CAMK2B: variants seen among roughly 807,000 people sequenced by gnomAD.
The protein encoded by CAMK2B is calcium/calmodulin-dependent protein kinase type II subunit beta.
A neutral mutation model predicts 93.7 loss-of-function variants in CAMK2B; 27 were observed. That is an observed-to-expected ratio of 0.29 (90% confidence interval 0.21 to 0.40). CAMK2B has a LOEUF of 0.40. Among genes scored for constraint, CAMK2B ranks in the 10% least tolerant of loss-of-function variants. The pLI, the probability that CAMK2B is intolerant of heterozygous loss-of-function variation, is 1.00. For synonymous variants in CAMK2B, 374 were observed against 358.8 expected (o/e 1.04, Z -0.48); for missense variants, 568 against 895.8 (o/e 0.63, Z 4.67).
chr7:44,230,855 C>G (rs1467584468), intron 17 of CAMK2B, 151 bp downstream of exon 17: 1 of 621,720 alleles, frequency 1.6e-6, no homozygotes, highest in Non-Finnish European at 2.8e-6. Context: ...AGGCTTGGAG[C>G]AGGATTACAG....
intron 3 of CAMK2B, among the ~76,000 whole-genome samples, chr7:44,260,639 G>T (rs895294682): frequency 6.6e-6 from 1 of 152,158 alleles, no homozygotes; most frequent in Non-Finnish European, 1.5e-5. Flanking sequence ...GGTGCTCTGA[G>T]ACAGTGAGCA....
chr7:44,285,465 C>T (rs1784794131), intron 1 of CAMK2B, among the ~76,000 whole-genome samples: 1 of 152,168 alleles, frequency 6.6e-6, no homozygotes, highest in Non-Finnish European at 1.5e-5. Context: ...GAACAGCCTC[C>T]CCTCCCAGAA....
chr7:44,266,382 C>T lies in CAMK2B; in HGVS notation c.161-3318G>A, dbSNP rs928276008. ...TTATTCTTGGCTTCCACATTAACAC[C>T]GTAAACCCCTTGTCATGGACAAGGT... is the stretch of plus-strand genomic sequence containing the variant. On this transcript the variant is annotated intron_variant, in intron 2 of 23. Coordinates refer to ENST00000395749, the MANE Select transcript of CAMK2B (RefSeq NM_001220.5). Among the ~76,000 whole-genome samples the T allele has an allele frequency of 1.8e-4, 27 of 152,288 alleles. No individual in the cohort carries two copies. The East Asian group carries it at 2.9e-3, about 16-fold the overall frequency.
Position 44,243,516 on chromosome 7 carries a change from C to T in CAMK2B, c.426G>A (p.Leu142=). The T allele has an allele frequency of 6.2e-7, 1 of 1,613,988 alleles. No homozygotes were observed. Among genetic ancestry groups the T allele is most frequent in the South Asian group, 1.1e-5 (1 of 91,086 alleles). ...CCCCTTTGCACTTGCTGGCCAGAAG[C>T]AGGTTCTCCGGCTGCAGGGAGGTGA... ...VVHRDLKPEN[L]LLASKCKGAA... The change falls in exon 7 of 24, where the codon CTG becomes CTA. Residue 142 remains leucine (L), a synonymous_variant. Transcript: ENST00000395749.
At chr7:44,297,106 T>A (rs1213996258) in intron 1 of CAMK2B, among the ~76,000 whole-genome samples, 1 of 152,210 alleles carries the variant, frequency 6.6e-6, no homozygotes, top group East Asian at 1.9e-4. Context: ...CACTTATGGA[T>A]AAGTGAAAGA....
intron 1 of CAMK2B, among the ~76,000 whole-genome samples, chr7:44,303,881 T>C (rs1790756106): frequency 6.6e-6 from 1 of 152,126 alleles, no homozygotes; most frequent in Non-Finnish European, 1.5e-5. Flanking sequence ...AAATATACAA[T>C]GAACCCTTAA....
chr7:44,239,548 A>C (rs1277738363), intron 13 of CAMK2B, 41 bp downstream of exon 13: 2 of 1,505,858 alleles, frequency 1.3e-6, no homozygotes, highest in Non-Finnish European at 1.8e-6. Flanking sequence ...GGCAGGAGGG[A>C]CGGGCGGGAG....
chr7:44,265,038 C>A (rs926745224), intron 2 of CAMK2B, among the ~76,000 whole-genome samples: 1 of 152,146 alleles, frequency 6.6e-6, no homozygotes, highest in African/African-American at 2.4e-5. Flanking sequence ...GGGTGCAGGA[C>A]GGTGAGTTCA....
chr7:44,288,946 A>G (rs931652851), intron 1 of CAMK2B, among the ~76,000 whole-genome samples: 3 of 152,086 alleles, frequency 2.0e-5, no homozygotes, highest in African/African-American at 7.2e-5. Flanking sequence ...TTTCACAGGC[A>G]TCCTGTGGGC....
chr7:44,289,774 T>C (rs934627737), intron 1 of CAMK2B, among the ~76,000 whole-genome samples: 4 of 152,164 alleles, frequency 2.6e-5, no homozygotes, highest in African/African-American at 9.7e-5. Flanking sequence ...GTGCATGTGA[T>C]CCCCATGACA....
chr7:44,219,348 T>G lies in CAMK2B; in HGVS notation c.*177A>C, dbSNP rs1402732817. ...TGTGGTTGTCGTCGTCATCTTGTTT[T>G]TTTTTTTTTTTTTTTTGTTTTTTTT... On this transcript the variant is annotated 3_prime_UTR_variant, in exon 24 of 24. Coordinates refer to ENST00000395749, the MANE Select transcript of CAMK2B (RefSeq NM_001220.5). 5.5e-5 allele frequency: 7 copies of G among 128,414 alleles called. No homozygotes were observed. Among genetic ancestry groups the G allele is most frequent in the Non-Finnish European group, 1.2e-4 (7 of 58,050 alleles). 8.0% of individuals were successfully genotyped at this position (128,414 alleles called of 1,614,324 possible).
At chr7:44,239,525 G>C in intron 13 of CAMK2B, 64 bp downstream of exon 13, 3 of 1,402,698 alleles carry the variant, frequency 2.1e-6, no homozygotes, top group Non-Finnish European at 2.9e-6. Context: ...CGTGCAGCAG[G>C]GGGCTGCATG....
At chr7:44,317,565 G>A (rs190414266) in intron 1 of CAMK2B, among the ~76,000 whole-genome samples, 4 of 152,266 alleles carry the variant, frequency 2.6e-5, no homozygotes, top group Non-Finnish European at 2.9e-5. Flanking sequence ...TTACAGGCAC[G>A]AGCCACCGCA....
At chr7:44,246,440 C>T (rs572092345) in intron 6 of CAMK2B, among the ~76,000 whole-genome samples, 2 of 152,134 alleles carry the variant, frequency 1.3e-5, no homozygotes, top group Admixed American at 1.3e-4. Context: ...CATGCCCACA[C>T]AGACACACAC....
At chr7:44,305,648 A>G (rs2115650657) in intron 1 of CAMK2B, among the ~76,000 whole-genome samples, 1 of 152,290 alleles carries the variant, frequency 6.6e-6, no homozygotes, top group African/African-American at 2.4e-5. Flanking sequence ...GAGGAAAATG[A>G]ATCACAGGAC....
intron 1 of CAMK2B, among the ~76,000 whole-genome samples, chr7:44,295,090 A>G (rs1330887268): frequency 6.6e-6 from 1 of 152,250 alleles, no homozygotes; most frequent in Non-Finnish European, 1.5e-5. Flanking sequence ...CTGGTCTGCA[A>G]AATGGATTTG....
chr7:44,321,892 G>A (rs1211290771), intron 1 of CAMK2B, among the ~76,000 whole-genome samples: 1 of 152,340 alleles, frequency 6.6e-6, no homozygotes, highest in African/African-American at 2.4e-5. Flanking sequence ...CGGCCCCAAC[G>A]CTGCTGTGTG....
chr7:44,285,183 C>A (rs368316423), intron 1 of CAMK2B, among the ~76,000 whole-genome samples: 1 of 152,218 alleles, frequency 6.6e-6, no homozygotes, highest in South Asian at 2.1e-4. Flanking sequence ...CAGGAGGCCC[C>A]GCAGAATCTG....
chr7:44,276,463 AG>A (rs1322516687), intron 2 of CAMK2B, among the ~76,000 whole-genome samples: 1 of 152,158 alleles, frequency 6.6e-6, no homozygotes, highest in Non-Finnish European at 1.5e-5. Flanking sequence ...GGTCCCAGGC[AG>A]GCAGGCTTCT....
Sources: gnomAD v4.1 joint callset for allele counts (sites outside exome capture counted in the v4.1 genomes callset) on GRCh38, gnomAD v4.1.1 for gene constraint, MANE v1.5 for transcripts, NCBI Gene and HGNC (gene_info 2026-07-23, HGNC 2026-07-21) for gene names.